KIF14: variants seen among roughly 807,000 people sequenced by gnomAD.
The protein encoded by KIF14 is kinesin-like protein KIF14.
KIF14 carries 98 observed loss-of-function variants against 176.2 expected under a neutral mutation model. The observed-to-expected ratio is 0.56, with a 90% CI of 0.47 to 0.66. The LOEUF is 0.66. Ranked by LOEUF, KIF14 falls within the 30% of genes least tolerant of loss-of-function variation. The probability of loss-of-function intolerance (pLI) is 0.00; values close to 1 mark genes in which losing one functional copy is unlikely to be tolerated. For missense variants in KIF14, 1,751 were observed against 1,920.4 expected (o/e 0.91, Z 1.65); for synonymous variants, 566 against 632.2 (o/e 0.90, Z 1.57).
intron 28 of KIF14, 122 bp from the exon 29 acceptor site, chr1:200,554,728 C>A: frequency 3.5e-6 from 2 of 566,876 alleles, no homozygotes; most frequent in Admixed American, 3.7e-5. Context: ...AATTTCCTCA[C>A]CAGTGCTTAA....
At chr1:200,598,854 C>T (rs1204208432) in intron 13 of KIF14, among the ~76,000 whole-genome samples, 2 of 152,144 alleles carry the variant, frequency 1.3e-5, no homozygotes, top group East Asian at 1.9e-4. Flanking sequence ...CCACCGTGCC[C>T]GGCCATAAAG....
intron 11 of KIF14, among the ~76,000 whole-genome samples, 195 bp from the exon 12 acceptor site, chr1:200,600,698 T>C (rs1297864601): frequency 6.6e-6 from 1 of 152,182 alleles, no homozygotes; most frequent in African/African-American, 2.4e-5. Flanking sequence ...TGAAATATGC[T>C]CCCATATTAA....
intron 2 of KIF14, 38 bp downstream of exon 2, chr1:200,617,574 T>A: frequency 1.3e-6 from 2 of 1,553,074 alleles, no homozygotes; most frequent in Non-Finnish European, 1.7e-6. Flanking sequence ...ACCTTACATG[T>A]AACTGCTTGG....
At chr1:200,605,788 TA>T in intron 7 of KIF14, 75 bp downstream of exon 7, 1 of 934,386 alleles carries the variant, frequency 1.1e-6, no homozygotes, top group African/African-American at 1.8e-5. Context: ...AAACAGCAAT[TA>T]AGAAAAAATA....
chr1:200,576,353 C>T (rs1466263302), intron 21 of KIF14, among the ~76,000 whole-genome samples: 1 of 151,792 alleles, frequency 6.6e-6, no homozygotes, highest in African/African-American at 2.4e-5. Flanking sequence ...TAGCGGGCGC[C>T]TGTAGTCCCA....
Position 200,603,341 on chromosome 1 carries a change from C to G in KIF14, c.1864G>C (p.Glu622Gln). Residue 622 changes from glutamate (E) to glutamine (Q), a missense_variant and splice_region_variant, in exon 10 of 30, where the codon GAA becomes CAA. Transcript: ENST00000367350. ...AAGGACTTATTAATACTCACACCTT[C>G]CTGCATGCAAGAAAAAAAAAATTTT... The part of the protein sequence containing the change: ...TAHTNGDRLK[E>Q]GVSINKSLLT... 6.5e-7 allele frequency: 1 copy of G among 1,527,588 alleles called. No individual in the cohort carries two copies. The allele number at this position is 1,527,588 out of a possible 1,614,324, so 94.6% of individuals were successfully genotyped here.
Position 200,593,691 on chromosome 1 carries a change from AAT to A in KIF14, c.2626_2627del (p.Ile876PhefsTer10), listed in dbSNP as rs1284715030. The A allele has an allele frequency of 6.2e-7, 1 of 1,611,458 alleles. No individual in the cohort carries two copies. On this transcript the variant is annotated frameshift_variant, in exon 15 of 30. Transcript: ENST00000367350. LOFTEE classifies it high-confidence loss of function. ...EAKTYVNGKH[I>X]LEITVLRHGD... Reference sequence around the variant, plus strand: ...CATGACGTAATACTGTGATTTCCAAAATATGTTTTCCATTTACATATGTCTTT... The same window carrying A: ...CATGACGTAATACTGTGATTTCCAAAATGTTTTCCATTTACATATGTCTTT...
chr1:200,586,770 G>GGT (rs1658760652), intron 18 of KIF14, among the ~76,000 whole-genome samples: 1 of 113,602 alleles, frequency 8.8e-6, no homozygotes, highest in Non-Finnish European at 1.8e-5. Flanking sequence ...AAGAAAATAT[G>GGT]GTGTATATAT....
At chr1:200,579,692 G>A (rs977177279) in intron 21 of KIF14, among the ~76,000 whole-genome samples, 24 of 151,898 alleles carry the variant, frequency 1.6e-4, no homozygotes, top group Non-Finnish European at 1.5e-4. Context: ...GCAATTTGTC[G>A]GTGAGCATCA....
chr1:200,565,030 A>T, intron 25 of KIF14, 39 bp downstream of exon 25: 1 of 1,482,112 alleles, frequency 6.7e-7, no homozygotes, highest in Non-Finnish European at 9.3e-7. Context: ...AATAATTATT[A>T]AATGAATCCT....
rs17448931 is a variant in KIF14 at position 200,559,212 on chromosome 1, A to G, written c.4353+118T>C. 43,221 of 627,904 alleles carry G rather than the reference A, an allele frequency of 0.069. 1,752 individuals carry two copies. The highest frequency in any genetic ancestry group is 0.088 in the South Asian group (1,208 of 13,668). 38.9% of individuals were successfully genotyped at this position (627,904 alleles called of 1,614,324 possible). On this transcript the variant is annotated intron_variant, in intron 27 of 29. Coordinates refer to ENST00000367350, the MANE Select transcript of KIF14 (RefSeq NM_014875.3). The stretch of plus-strand genomic sequence containing the variant: ...GATCATGATGTCAGCCTCTTCAGTG[A>G]AAAATAACTCGAAACAAATTAAAAC...
chr1:200,572,138 G>C (rs1267194603), intron 22 of KIF14, among the ~76,000 whole-genome samples: 1 of 152,154 alleles, frequency 6.6e-6, no homozygotes, highest in Non-Finnish European at 1.5e-5. Flanking sequence ...CTCAGACTAA[G>C]AGCAATTCAT....
rs751632922 is a variant in KIF14, at chr1:200,601,906, C to T, written c.2142G>A (p.Lys714=). 2 of 1,607,002 alleles carry T rather than the reference C, an allele frequency of 1.2e-6. No individual in the cohort carries two copies. Among genetic ancestry groups the T allele is most frequent in the Non-Finnish European group, 1.7e-6 (2 of 1,177,068 alleles). The part of the protein sequence containing the change: ...IAKVNEDMNA[K]LIRELKAEIA... ...TGAGAAAATATTCACCTCTAATTAA[C>T]TTAGCGTTCATATCTTCATTTACTT... The change falls in exon 11 of 30, where the codon AAG becomes AAA. Residue 714 remains lysine, a synonymous_variant. Transcript: ENST00000367350.
intron 23 of KIF14, among the ~76,000 whole-genome samples, chr1:200,566,470 G>A (rs1657458789): frequency 6.6e-6 from 1 of 151,726 alleles, no homozygotes; most frequent in Admixed American, 6.6e-5. Flanking sequence ...GCACACGCCT[G>A]TAGTTCCAGC....
Position 200,603,889 on chromosome 1 carries a change from C to A in KIF14, c.1813G>T (p.Ala605Ser), listed in dbSNP as rs370591311. The stretch of plus-strand genomic sequence containing the variant: ...GCCGTAGAGCAGCGCTCACTGCCTG[C>A]CAGATCTATTAGGTTAATTCGACTT... Reference protein sequence around the residue: ...ITSRINLIDLAGSERCSTAHT... With the variant: ...ITSRINLIDLSGSERCSTAHT... Residue 605 changes from alanine to serine, a missense_variant, in exon 9 of 30, where the codon GCA becomes TCA. Transcript: ENST00000367350. 1.3e-5 allele frequency: 21 copies of A among 1,613,682 alleles called. No individual in the cohort carries two copies. In the African/African-American group the frequency reaches 2.4e-4, roughly 18 times the overall value.
chr1:200,605,162 G>T (rs1659809912), intron 8 of KIF14, 121 bp downstream of exon 8: 4 of 908,878 alleles, frequency 4.4e-6, no homozygotes, highest in African/African-American at 1.7e-5. Flanking sequence ...AAAATACCTT[G>T]GTCTGGGTGA....
chr1:200,557,841 A>G (rs965155077), intron 27 of KIF14, among the ~76,000 whole-genome samples: 3 of 152,182 alleles, frequency 2.0e-5, no homozygotes, highest in African/African-American at 7.2e-5. Flanking sequence ...ATCAATCAGT[A>G]TATACATAAA....
chr1:200,580,755 ACTGGGGATT>A (rs1403865319), intron 20 of KIF14, among the ~76,000 whole-genome samples: 1 of 152,078 alleles, frequency 6.6e-6, no homozygotes, highest in African/African-American at 2.4e-5. Context: ...ATAAAGTCTC[ACTGGGGATT>A]CTGGGGATTC....
intron 21 of KIF14, among the ~76,000 whole-genome samples, chr1:200,577,297 C>G (rs1287007956): frequency 6.6e-6 from 1 of 152,100 alleles, no homozygotes; most frequent in East Asian, 1.9e-4. Context: ...GCACTCCAGC[C>G]TGGGCAACAG....
Sources: allele counts gnomAD v4.1 joint callset (sites outside exome capture counted in the v4.1 genomes callset), GRCh38; gene constraint gnomAD v4.1.1; transcripts MANE v1.5; gene names NCBI Gene and HGNC (gene_info 2026-07-23, HGNC 2026-07-21).